TENM1: variants seen among roughly 807,000 people sequenced by gnomAD.
The protein encoded by TENM1 is teneurin transmembrane protein 1, also known as teneurin-1.
A neutral mutation model predicts 174.8 loss-of-function variants in TENM1; 35 were observed. That is an observed-to-expected ratio of 0.20 (90% CI 0.15 to 0.27). The LOEUF (loss-of-function observed/expected upper bound fraction) is 0.27. TENM1 is among the 10% of genes least tolerant of loss of function. The pLI, the probability that TENM1 is intolerant of heterozygous loss-of-function variation, is 1.00. For synonymous variants in TENM1, 781 were observed against 798.7 expected (o/e 0.98, Z 0.37); for missense variants, 1,633 against 2,130.1 (o/e 0.77, Z 4.59).
intron 1 of TENM1, among the ~76,000 whole-genome samples, chrX:124,907,725 T>C (rs2057772514): frequency 8.9e-6 from 1 of 112,127 alleles, no homozygotes; most frequent in Non-Finnish European, 1.9e-5. Flanking sequence ...CTACAAAGAC[T>C]CTTTAGTGGC....
intron 3 of TENM1, among the ~76,000 whole-genome samples, chrX:124,800,617 TTCA>T (rs2055422396): frequency 8.9e-6 from 1 of 111,848 alleles, no homozygotes; most frequent in South Asian, 3.7e-4. Flanking sequence ...TGCTCTGATC[TTCA>T]TTATTTCCTG....
At chrX:124,668,705 G>T (rs912800733) in intron 6 of TENM1, among the ~76,000 whole-genome samples, 1 of 109,525 alleles carries the variant, frequency 9.1e-6, no homozygotes, top group African/African-American at 3.3e-5. Context: ...GTTGTGGGGT[G>T]GGGGGAGTGG....
chrX:125,093,987 A>G, the TENM1 span, among the ~76,000 whole-genome samples: 16 of 112,023 alleles, frequency 1.4e-4, no homozygotes, highest in African/African-American at 3.6e-4. Context: ...TTAAAATACA[A>G]TAAGACTCTT....
chrX:124,992,081 C>T, the TENM1 span, among the ~76,000 whole-genome samples: 1 of 111,226 alleles, frequency 9.0e-6, no homozygotes, highest in African/African-American at 3.3e-5. Flanking sequence ...CAGAGCTAGA[C>T]CTGACATTTA....
the TENM1 span, among the ~76,000 whole-genome samples, chrX:125,182,363 T>C: frequency 9.4e-6 from 1 of 106,197 alleles, no homozygotes; most frequent in African/African-American, 3.4e-5. Context: ...CTTAATTCCA[T>C]TTGCAATCTT....
chrX:125,125,965 C>T, the TENM1 span, among the ~76,000 whole-genome samples: 1 of 111,944 alleles, frequency 8.9e-6, no homozygotes, highest in Non-Finnish European at 1.9e-5. Context: ...ACCATATATG[C>T]TAGTCCCAAA....
chrX:124,832,709 G>A (rs1030773384), intron 3 of TENM1, among the ~76,000 whole-genome samples: 2 of 111,493 alleles, frequency 1.8e-5, no homozygotes, highest in African/African-American at 6.5e-5. Context: ...TGAGTAGAAA[G>A]GACTATGGGC....
At chrX:125,119,918 T>C in the TENM1 span, among the ~76,000 whole-genome samples, 1 of 111,763 alleles carries the variant, frequency 8.9e-6, no homozygotes, top group Non-Finnish European at 1.9e-5. Flanking sequence ...AGTGCTACCA[T>C]AGTATCAGCA....
chrX:124,641,913 C>T, exon 11 of TENM1: 1 of 1,210,898 alleles, frequency 8.3e-7, no homozygotes, highest in Non-Finnish European at 1.1e-6. Context: ...ACAGTTAACT[C>T]CTCCCCAGCC....
chrX:124,384,998 GGCAT>G, intron 29 of TENM1, 144 bp from the exon 33 acceptor site: 1 of 473,191 alleles, frequency 2.1e-6, no homozygotes, highest in Non-Finnish European at 3.3e-6. Flanking sequence ...CAAATGCCTG[GGCAT>G]ATTACCTCAT....
chrX:125,130,202 C>A, the TENM1 span, among the ~76,000 whole-genome samples: 4 of 111,140 alleles, frequency 3.6e-5, no homozygotes, highest in African/African-American at 1.3e-4. Context: ...ATTCTCTTTA[C>A]CATGCTACAA....
chrX:125,075,582 C>T, the TENM1 span, among the ~76,000 whole-genome samples: 1 of 111,119 alleles, frequency 9.0e-6, no homozygotes, highest in Admixed American at 9.6e-5. Context: ...CAGAGTTGTG[C>T]AACCTTTACC....
chrX:124,962,825 GACAAAACAAA>G lies in TENM1; in HGVS notation c.217+702_217+711del, dbSNP rs754930625. Among the ~76,000 whole-genome samples the G allele has an allele frequency of 4.5e-3, 495 of 110,343 alleles. 3 individuals carry two copies. Among genetic ancestry groups the G allele is most frequent in the Non-Finnish European group, 6.9e-3 (365 of 52,741 alleles). On this transcript the variant is annotated intron_variant, in intron 1 of 31. Coordinates refer to ENST00000422452, the Ensembl canonical transcript of TENM1. ...AGAGTGAGATTCTGTCTCAAAACAA[GACAAAACAAA>G]ACAAAACAAAACAAAACAAAAAAAC...
chrX:125,044,202 T>TAAAAAAAAAAA, the TENM1 span, among the ~76,000 whole-genome samples: 1 of 55,843 alleles, frequency 1.8e-5, no homozygotes. Flanking sequence ...AGATTAAAAA[T>TAAAAAAAAAAA]AAAAAAAAAT....
chrX:124,880,376 C>G (rs1329736911), intron 3 of TENM1, among the ~76,000 whole-genome samples: 1 of 112,258 alleles, frequency 8.9e-6, no homozygotes, highest in Admixed American at 9.4e-5. Flanking sequence ...CAAACTGATT[C>G]TGTATCCTGC....
chrX:124,402,996 T>G lies in TENM1; in HGVS notation c.5391+2035A>C, dbSNP rs549026939. Among the ~76,000 whole-genome samples the G allele has an allele frequency of 7.1e-4, 80 of 112,033 alleles. 2 individuals carry two copies. In the South Asian group the frequency reaches 0.029, roughly 40 times the overall value. ...AAAGAATTCCGATAGAAATCTTTAC[T>G]GCTACCCACACATTGGTTTGATATT... On this transcript the variant is annotated intron_variant, in intron 27 of 31. Coordinates refer to ENST00000422452, the Ensembl canonical transcript of TENM1.
intron 3 of TENM1, among the ~76,000 whole-genome samples, chrX:124,886,536 T>G (rs1458697516): frequency 2.2e-5 from 2 of 90,939 alleles, no homozygotes; most frequent in Admixed American, 1.2e-4. Context: ...TATATATATA[T>G]ATATATATAT....
At chrX:124,861,811 A>G (rs2056916775) in intron 3 of TENM1, among the ~76,000 whole-genome samples, 1 of 111,635 alleles carries the variant, frequency 9.0e-6, no homozygotes, top group African/African-American at 3.3e-5. Flanking sequence ...GTGCTTATTT[A>G]TTTATTTATT....
At chrX:124,646,842 G>T (rs1431398326) in intron 8 of TENM1, 32 bp from the exon 12 acceptor site, 2 of 995,057 alleles carry the variant, frequency 2.0e-6, no homozygotes, top group Non-Finnish European at 1.4e-6. Flanking sequence ...TAAAAAAAAT[G>T]AACGCATCTC....
Sources: allele counts gnomAD v4.1 joint callset (sites outside exome capture counted in the v4.1 genomes callset), GRCh38; gene constraint gnomAD v4.1.1; transcripts MANE v1.5; gene names NCBI Gene and HGNC (gene_info 2026-07-23, HGNC 2026-07-21).